The following COQ7 variants were observed in gnomAD, a reference collection of about 807,000 sequenced individuals.
COQ7 encodes the protein NADPH-dependent 3-demethoxyubiquinone 3-hydroxylase, mitochondrial.
A neutral mutation model predicts 25.0 loss-of-function variants in COQ7; 21 were observed. The observed-to-expected ratio is 0.84, with a 90% CI of 0.60 to 1.21. The LOEUF (loss-of-function observed/expected upper bound fraction) is 1.21. Ranked by LOEUF, COQ7 falls within the 50% of genes most tolerant of loss-of-function variation. The pLI is 0.00. For synonymous variants in COQ7, 125 were observed against 112.4 expected (o/e 1.11, Z -0.71); for missense variants, 311 against 296.2 (o/e 1.05, Z -0.37).
chr16:19,067,778 C>G (rs568109728), intron 1 of COQ7, 41 bp downstream of exon 1: 3 of 1,575,376 alleles, frequency 1.9e-6, no homozygotes, highest in Non-Finnish European at 2.6e-6. Context: ...GCCGGTCTAG[C>G]GAGCTAGGGA....
Position 19,072,044 on chromosome 16 carries a change from A to T in COQ7, c.190A>T (p.Asn64Tyr). The T allele has an allele frequency of 6.2e-7, 1 of 1,614,220 alleles. No homozygotes were observed. Among genetic ancestry groups the T allele is most frequent in the East Asian group, 2.2e-5 (1 of 44,882 alleles). Residue 64 changes from asparagine (N) to tyrosine (Y), a missense_variant, in exon 2 of 6, where the codon AAC (asparagine) becomes TAC (tyrosine). Coordinates refer to ENST00000321998, the MANE Select transcript of COQ7 (RefSeq NM_016138.5). ...RVDHAGEYGA[N>Y]RIYAGQMAVL... ...GGATCATGCAGGCGAATATGGAGCA[A>T]ACCGCATCTATGCCGGGCAGATGGC...
In COQ7 at chr16:19,075,728, G is replaced by A; in HGVS notation, c.375G>A (p.Gly125=). ...WNVLGFALGA[G]TALLGKEGAM... The stretch of plus-strand genomic sequence containing the variant: ...TGGGTTTAACAATCCCAGGGGCGGG[G>A]ACCGCCTTGCTCGGGAAGGAAGGTG... Residue 125 remains glycine, a synonymous_variant, in exon 4 of 6, where the codon GGG becomes GGA. Transcript: ENST00000321998. 1 of 1,578,544 alleles carries A rather than the reference G, an allele frequency of 6.3e-7. No homozygotes were observed. Among genetic ancestry groups the A allele is most frequent in the Non-Finnish European group, 8.6e-7 (1 of 1,164,366 alleles).
downstream of COQ7, among the ~76,000 whole-genome samples, chr16:19,081,792 A>G (rs1319479486): frequency 1.3e-5 from 2 of 152,258 alleles, no homozygotes. Flanking sequence ...CACACTTGTC[A>G]TTAAATTCTA....
Position 19,067,648 on chromosome 16 carries a change from T to C in COQ7, c.-17T>C, listed in dbSNP as rs753687413. The C allele has an allele frequency of 1.2e-6, 2 of 1,609,388 alleles. No individual in the cohort carries two copies. Among genetic ancestry groups the C allele is most frequent in the South Asian group, 1.1e-5 (1 of 90,994 alleles). On this transcript the variant is annotated 5_prime_UTR_variant, in exon 1 of 6. Transcript: ENST00000321998. ...CAGTTCCGTTCAACGAAGTGGTTGC[T>C]TTTTTTAGTTCCGGCAATGAGTTGC...
In COQ7 at chr16:19,074,028, T is replaced by C. The variant is rs1171944516; in HGVS notation, c.360T>C (p.Phe120=). The C allele has an allele frequency of 2.5e-6, 4 of 1,612,372 alleles. No homozygotes were observed. The Admixed American group carries it at 6.7e-5, about 27-fold the overall frequency. Residue 120 remains phenylalanine, a synonymous_variant, in exon 3 of 6, where the codon TTT becomes TTC. Coordinates refer to ENST00000321998, the MANE Select transcript of COQ7 (RefSeq NM_016138.5). The stretch of plus-strand genomic sequence containing the variant: ...TGCCCTTGTGGAACGTGCTGGGGTT[T>C]GCACTGGGTACGTGTCTCTCTAGAA... The part of the protein sequence containing the change: ...VLMPLWNVLG[F]ALGAGTALLG...
intron 1 of COQ7, chr16:19,068,209 G>T: frequency 9.8e-7 from 1 of 1,023,868 alleles, no homozygotes. Context: ...CGGTATCTGT[G>T]ATCTGTGAAC....
chr16:19,079,975 G>A lies in COQ7; in HGVS notation c.*1817G>A, dbSNP rs1963053270. 6.6e-6 allele frequency: 1 copy of A among 152,228 alleles called. No homozygotes were observed. The highest frequency in any genetic ancestry group is 1.5e-5 in the Non-Finnish European group (1 of 68,036). 9.4% of individuals were successfully genotyped at this position (152,228 alleles called of 1,614,324 possible). On this transcript the variant is annotated 3_prime_UTR_variant, in exon 6 of 6. Transcript: ENST00000321998. ...GGTTTGAACAAGTTGTGGATGGTTT[G>A]TAAAAATTAATCTTACAAAATAAAT...
intron 1 of COQ7, among the ~76,000 whole-genome samples, chr16:19,069,127 G>A (rs1451826700): frequency 2.0e-5 from 3 of 152,148 alleles, no homozygotes; most frequent in African/African-American, 4.8e-5. Flanking sequence ...ACACTGGCAT[G>A]TTTCACACTT....
At chr16:19,076,511 CAA>C (rs754740117) in intron 4 of COQ7, among the ~76,000 whole-genome samples, 5 of 150,338 alleles carry the variant, frequency 3.3e-5, no homozygotes, top group African/African-American at 4.9e-5. Context: ...CTCCTGGGCT[CAA>C]GTGATTCTTC....
At chr16:19,074,098 G>A (rs1962707944) in intron 3 of COQ7, 63 bp downstream of exon 3, 7 of 1,224,548 alleles carry the variant, frequency 5.7e-6, no homozygotes, top group Non-Finnish European at 8.2e-6. Context: ...AATCCTTCAG[G>A]TATCATGTTC....
intron 3 of COQ7, 99 bp from the exon 4 acceptor site, chr16:19,075,622 G>C (rs569152252): frequency 2.6e-5 from 35 of 1,339,024 alleles, no homozygotes; most frequent in Non-Finnish European, 3.3e-5. Context: ...GACCCGGCCC[G>C]ATGTCTGGTG....
intron 2 of COQ7, 26 bp downstream of exon 2, chr16:19,072,132 C>T (rs1286202074): frequency 1.2e-6 from 2 of 1,613,226 alleles, no homozygotes; most frequent in South Asian, 1.1e-5. Flanking sequence ...TCTCCCTCAC[C>T]CTGGTCTACT....
At chr16:19,077,979 T>A in intron 5 of COQ7, 102 bp from the exon 6 acceptor site, 1 of 789,072 alleles carries the variant, frequency 1.3e-6, no homozygotes. Context: ...TTAGATCTAT[T>A]TCTTATCCAG....
At chr16:19,076,135 G>T (rs1267665493) in intron 4 of COQ7, among the ~76,000 whole-genome samples, 1 of 152,028 alleles carries the variant, frequency 6.6e-6, no homozygotes, top group Non-Finnish European at 1.5e-5. Flanking sequence ...TGCCCAGGCC[G>T]GAGTACAGTG....
chr16:19,072,758 C>T (rs775542842), intron 2 of COQ7, among the ~76,000 whole-genome samples: 1 of 152,212 alleles, frequency 6.6e-6, no homozygotes, highest in Non-Finnish European at 1.5e-5. Flanking sequence ...GTGTCCTTCA[C>T]AGGGATTGTG....
At chr16:19,074,090 T>A in intron 3 of COQ7, 55 bp downstream of exon 3, 1 of 1,290,934 alleles carries the variant, frequency 7.7e-7, no homozygotes, top group South Asian at 1.3e-5. Flanking sequence ...GATGATTAAA[T>A]CCTTCAGGTA....
At position 19,078,242 on chromosome 16, in the gene COQ7, T is replaced by C. The variant is rs1021898945; in HGVS notation, c.*84T>C. Reference sequence around the variant, plus strand: ...CAGAGAAACAGGTGTACAGTTATCGTTGTACTTTTGTACAATGTGAATTTT... The same window carrying C: ...CAGAGAAACAGGTGTACAGTTATCGCTGTACTTTTGTACAATGTGAATTTT... On this transcript the variant is annotated 3_prime_UTR_variant, in exon 6 of 6. Coordinates refer to ENST00000321998, the MANE Select transcript of COQ7 (RefSeq NM_016138.5). 1.0e-4 allele frequency: 96 copies of C among 934,252 alleles called. No homozygotes were observed. Among genetic ancestry groups the C allele is most frequent in the South Asian group, 3.4e-4 (19 of 55,380 alleles). The allele number at this position is 934,252 out of a possible 1,614,324, so 57.9% of individuals were successfully genotyped here. A position where few individuals can be genotyped will look rare whatever the true frequency, so the allele number is the denominator to read the frequency against.
downstream of COQ7, among the ~76,000 whole-genome samples, chr16:19,081,754 A>G (rs1369209045): frequency 1.3e-5 from 2 of 152,228 alleles, no homozygotes; most frequent in Admixed American, 6.5e-5. Flanking sequence ...TTTAACAAAA[A>G]TGAAGACTGG....
chr16:19,074,890 G>A (rs1161193580), intron 3 of COQ7, among the ~76,000 whole-genome samples: 1 of 151,974 alleles, frequency 6.6e-6, no homozygotes, highest in East Asian at 1.9e-4. Context: ...ATAAACAACA[G>A]AGAAAAAAAG....
Sources: gnomAD v4.1 joint callset for allele counts (sites outside exome capture counted in the v4.1 genomes callset) on GRCh38, gnomAD v4.1.1 for gene constraint, MANE v1.5 for transcripts, NCBI Gene and HGNC (gene_info 2026-07-23, HGNC 2026-07-21) for gene names.